The following FOXJ3 variants were observed in gnomAD, a reference collection of about 807,000 sequenced individuals.
FOXJ3 encodes forkhead box protein J3.
In FOXJ3, 22 loss-of-function variants were observed where a neutral mutation model predicts 76.1. The ratio of observed to expected loss-of-function variants is 0.29; its 90% CI spans 0.21 to 0.41. The LOEUF (loss-of-function observed/expected upper bound fraction) is 0.41, where lower values mean the gene tolerates loss of function less well. Among genes scored for constraint, FOXJ3 ranks in the 10% least tolerant of loss-of-function variants. FOXJ3 has a pLI of 1.00. For missense variants in FOXJ3, 613 were observed against 762.1 expected, an observed-to-expected ratio of 0.80 and a Z score of 2.30; for synonymous variants, 269 against 261.2, an observed-to-expected ratio of 1.03 and a Z score of -0.29.
In FOXJ3 at chr1:42,324,114, TGTATATACACA is replaced by T. The variant is rs1301540199; in HGVS notation, c.-18+10934_-18+10944del. On this transcript the variant is annotated intron_variant, in intron 1 of 12. Coordinates refer to ENST00000361346, the MANE Select transcript of FOXJ3 (RefSeq NM_014947.5). ...CTGTATATATACTGTGTATATACACTGTATATACACAGTGTATATACAGTATATATACTATA... is the reference window on the plus strand; with the variant it reads ...CTGTATATATACTGTGTATATACACTGTGTATATACAGTATATATACTATA... Among the ~76,000 whole-genome samples, 3 of 11,700 alleles carry T rather than the reference TGTATATACACA, an allele frequency of 2.6e-4. 1 individual carries two copies. In the South Asian group the frequency reaches 5.4e-3, roughly 21 times the overall value. The allele number at this position is 11,700 out of a possible 152,430, so 7.7% of individuals were successfully genotyped here. A position where few individuals can be genotyped will look rare whatever the true frequency, so the allele number is the denominator to read the frequency against.
At chr1:42,219,338 A>G (rs1397150782) in intron 5 of FOXJ3, among the ~76,000 whole-genome samples, 1 of 152,112 alleles carries the variant, frequency 6.6e-6, no homozygotes, top group Non-Finnish European at 1.5e-5. Flanking sequence ...CTTTATTATT[A>G]TTGTTGTTAA....
intron 4 of FOXJ3, among the ~76,000 whole-genome samples, chr1:42,262,916 T>C (rs911614769): frequency 1.9e-4 from 29 of 152,200 alleles, no homozygotes; most frequent in African/African-American, 6.8e-4. Flanking sequence ...GAAAAATTAC[T>C]ACTACAAATG....
At chr1:42,206,078 CTT>C in intron 5 of FOXJ3, 2 of 473,350 alleles carry the variant, frequency 4.2e-6, no homozygotes, top group South Asian at 7.4e-5. Context: ...TCTAACAACT[CTT>C]AATTTACTGC....
At position 42,227,914 on chromosome 1, in the gene FOXJ3, C is replaced by T; in HGVS notation, c.497G>A (p.Arg166Gln). The stretch of plus-strand genomic sequence containing the variant: ...TACAGATCGTGCCCTCTTCTTTGGC[C>T]GAGTAGGCAGCACATCTTCCTTCGG... ...TNPKEDVLPT[R>Q]PKKRARSVER... is the part of the protein sequence containing the mutation. The change falls in exon 5 of 13, where the codon CGG becomes CAG. Residue 166 changes from arginine (R) to glutamine (Q), a missense_variant. Around this residue, in one of 3 missense-constraint regions of FOXJ3, gnomAD observed 526 missense variants for 601.4 expected, o/e 0.87. Transcript: ENST00000361346. 3 of 1,578,618 alleles carry T rather than the reference C, an allele frequency of 1.9e-6. No individual in the cohort carries two copies. Among genetic ancestry groups the T allele is most frequent in the Non-Finnish European group, 2.6e-6 (3 of 1,155,076 alleles).
chr1:42,180,532 T>C (rs1190193009), intron 12 of FOXJ3, among the ~76,000 whole-genome samples: 1 of 152,238 alleles, frequency 6.6e-6, no homozygotes, highest in African/African-American at 2.4e-5. Context: ...TTCTTTCTTT[T>C]ATTACAAATT....
chr1:42,227,826 T>G, intron 5 of FOXJ3, 57 bp downstream of exon 5: 1 of 938,528 alleles, frequency 1.1e-6, no homozygotes, highest in Non-Finnish European at 1.6e-6. Context: ...ACTTTCAAAA[T>G]CTGTATTTCA....
intron 5 of FOXJ3, among the ~76,000 whole-genome samples, chr1:42,219,144 G>GA (rs1647129711): frequency 6.6e-6 from 1 of 152,062 alleles, no homozygotes; most frequent in South Asian, 2.1e-4. Context: ...AAATTTTAAA[G>GA]AAAAAAATTC....
chr1:42,245,322 T>C (rs545482747), intron 4 of FOXJ3, among the ~76,000 whole-genome samples: 20 of 152,304 alleles, frequency 1.3e-4, no homozygotes, highest in African/African-American at 4.8e-4. Flanking sequence ...ATTCATTCTA[T>C]GAGGCCTGCA....
At chr1:42,332,330 T>C (rs1181515971) in intron 1 of FOXJ3, among the ~76,000 whole-genome samples, 1 of 152,222 alleles carries the variant, frequency 6.6e-6, no homozygotes, top group Non-Finnish European at 1.5e-5. Flanking sequence ...GTTCATTGTA[T>C]ATGGGAATAA....
At chr1:42,278,905 T>G (rs553341417) in intron 2 of FOXJ3, among the ~76,000 whole-genome samples, 8 of 152,314 alleles carry the variant, frequency 5.3e-5, no homozygotes, top group African/African-American at 1.9e-4. Context: ...TAAAATTGTT[T>G]AAAATACAGA....
chr1:42,249,682 T>C (rs1469669187), intron 4 of FOXJ3, among the ~76,000 whole-genome samples: 1 of 152,252 alleles, frequency 6.6e-6, no homozygotes, highest in Non-Finnish European at 1.5e-5. Flanking sequence ...ATTAGGCATC[T>C]ACTGTGTATC....
chr1:42,255,909 C>T (rs1405152786), intron 4 of FOXJ3, among the ~76,000 whole-genome samples: 1 of 152,188 alleles, frequency 6.6e-6, no homozygotes, highest in Non-Finnish European at 1.5e-5. Context: ...GTAGTCCCAG[C>T]TACTCGGGAG....
chr1:42,221,152 ACATGT>A (rs1647176364), intron 5 of FOXJ3, among the ~76,000 whole-genome samples: 1 of 152,194 alleles, frequency 6.6e-6, no homozygotes, highest in African/African-American at 2.4e-5. Flanking sequence ...TGGCAAAATC[ACATGT>A]CATGTAGTCT....
At chr1:42,293,728 C>G (rs1653593870) in intron 2 of FOXJ3, among the ~76,000 whole-genome samples, 1 of 152,140 alleles carries the variant, frequency 6.6e-6, no homozygotes, top group Non-Finnish European at 1.5e-5. Context: ...TTTTTCTCAG[C>G]CTCTATTTAC....
intron 4 of FOXJ3, chr1:42,264,859 AAATTT>A (rs1321471738): frequency 8.0e-5 from 29 of 364,740 alleles, no homozygotes; most frequent in African/African-American, 6.0e-4. Flanking sequence ...CTCAATCACC[AAATTT>A]AATTTAATAC....
intron 2 of FOXJ3, among the ~76,000 whole-genome samples, chr1:42,301,119 T>C (rs768976335): frequency 6.6e-6 from 1 of 152,210 alleles, no homozygotes; most frequent in Non-Finnish European, 1.5e-5. Context: ...CTACACTTTT[T>C]ACTTTTTCTT....
intron 1 of FOXJ3, among the ~76,000 whole-genome samples, chr1:42,331,637 T>C (rs1304100462): frequency 2.0e-5 from 3 of 152,118 alleles, no homozygotes; most frequent in Admixed American, 6.5e-5. Flanking sequence ...TGTAAGTACA[T>C]TAGTGGCTGC....
chr1:42,237,063 A>C (rs573644188), intron 4 of FOXJ3, among the ~76,000 whole-genome samples: 2 of 151,776 alleles, frequency 1.3e-5, no homozygotes, highest in African/African-American at 4.8e-5. Context: ...CCCATGTTTT[A>C]TTTGGATTAT....
chr1:42,268,165 C>T (rs960414653), intron 3 of FOXJ3, among the ~76,000 whole-genome samples: 2 of 151,806 alleles, frequency 1.3e-5, no homozygotes, highest in Non-Finnish European at 2.9e-5. Flanking sequence ...ATATTAATTA[C>T]AGTGAAAGGG....
Sources: gnomAD v4.1 joint callset for allele counts (sites outside exome capture counted in the v4.1 genomes callset) on GRCh38, gnomAD v4.1.1 for gene constraint, gnomAD v4.1.1 regional missense constraint, MANE v1.5 for transcripts, NCBI Gene and HGNC (gene_info 2026-07-23, HGNC 2026-07-21) for gene names.